The following ZPLD1 variants were observed in gnomAD, a reference collection of about 807,000 sequenced individuals.
The protein encoded by ZPLD1 is zona pellucida like domain containing 1, also known as zona pellucida-like domain-containing protein 1.
ZPLD1 carries 34 observed loss-of-function variants against 47.2 expected under a neutral mutation model. That is an observed-to-expected ratio of 0.72 (90% CI 0.55 to 0.96). ZPLD1 has a LOEUF of 0.96. Ranked by LOEUF, ZPLD1 falls within the 40% of genes least tolerant of loss-of-function variation. The pLI is 0.00. For missense variants in ZPLD1, 512 were observed against 505.8 expected (o/e 1.01, Z -0.12); for synonymous variants, 176 against 186.2 (o/e 0.95, Z 0.45).
At chr3:102,439,493 G>A (rs780312131) in intron 3 of ZPLD1, among the ~76,000 whole-genome samples, 29 of 152,214 alleles carry the variant, frequency 1.9e-4, no homozygotes, top group Non-Finnish European at 3.8e-4. Context: ...GAAGGTCACG[G>A]TGGGAATGAC....
chr3:102,421,940 A>G (rs1332284235), intron 8 of ZPLD1, among the ~76,000 whole-genome samples: 2 of 152,056 alleles, frequency 1.3e-5, no homozygotes, highest in Non-Finnish European at 2.9e-5. Flanking sequence ...ACATACAAAA[A>G]TAAATATAAA....
chr3:102,416,609 C>A (rs1054217890), intron 7 of ZPLD1, among the ~76,000 whole-genome samples: 23 of 151,870 alleles, frequency 1.5e-4, no homozygotes, highest in Admixed American at 3.3e-4. Flanking sequence ...AAAAGTTTAT[C>A]ATGATCACTT....
intron 6 of ZPLD1, among the ~76,000 whole-genome samples, chr3:102,385,543 T>A (rs996721506): frequency 1.3e-5 from 2 of 152,182 alleles, no homozygotes; most frequent in East Asian, 3.9e-4. Context: ...ATTACAAAGA[T>A]AAGTGAAATG....
chr3:102,475,464 A>G (rs1707745638), intron 10 of ZPLD1, among the ~76,000 whole-genome samples: 1 of 152,158 alleles, frequency 6.6e-6, no homozygotes, highest in Admixed American at 6.5e-5. Context: ...ATTAAGTGTG[A>G]TTTCTAAAAA....
chr3:102,429,286 T>G (rs1045520249), intron 8 of ZPLD1, among the ~76,000 whole-genome samples: 1 of 152,156 alleles, frequency 6.6e-6, no homozygotes, highest in South Asian at 2.1e-4. Flanking sequence ...TGATTAAAAT[T>G]TTGCATTTCT....
chr3:102,415,104 C>T (rs1373606905), intron 7 of ZPLD1, among the ~76,000 whole-genome samples: 1 of 151,804 alleles, frequency 6.6e-6, no homozygotes, highest in Non-Finnish European at 1.5e-5. Context: ...GTGGCTGAGT[C>T]TGTTCTTATA....
chr3:102,393,648 TAAA>T (rs80092157), intron 7 of ZPLD1, among the ~76,000 whole-genome samples: 9 of 145,390 alleles, frequency 6.2e-5, no homozygotes, highest in African/African-American at 2.3e-4. Context: ...CTTTGTAGAT[TAAA>T]AAAAAAAAAA....
At chr3:102,474,382 C>T (rs1055086501) in intron 10 of ZPLD1, among the ~76,000 whole-genome samples, 2 of 152,080 alleles carry the variant, frequency 1.3e-5, no homozygotes, top group African/African-American at 2.4e-5. Context: ...GTTAATAATT[C>T]ATTTGAGCAT....
At chr3:102,420,118 G>T (rs2107305543) in intron 8 of ZPLD1, among the ~76,000 whole-genome samples, 1 of 151,782 alleles carries the variant, frequency 6.6e-6, no homozygotes, top group Non-Finnish European at 1.5e-5. Flanking sequence ...ATTTCAAGTG[G>T]GAAATTATAG....
chr3:102,464,970 G>A (rs1313474461), intron 8 of ZPLD1, among the ~76,000 whole-genome samples: 1 of 152,182 alleles, frequency 6.6e-6, no homozygotes, highest in African/African-American at 2.4e-5. Flanking sequence ...CATGATGGAA[G>A]TAATATAATG....
intron 4 of ZPLD1, among the ~76,000 whole-genome samples, chr3:102,453,487 C>T (rs929163040): frequency 6.6e-6 from 1 of 152,152 alleles, no homozygotes; most frequent in African/African-American, 2.4e-5. Context: ...AATATTTGTT[C>T]CAGTGAGTCT....
chr3:102,411,240 G>A (rs549163519), intron 7 of ZPLD1, among the ~76,000 whole-genome samples: 137 of 151,884 alleles, frequency 9.0e-4, no homozygotes, highest in African/African-American at 3.0e-3. Flanking sequence ...CTGAAAGTAT[G>A]TAAAACTGTA....
chr3:102,398,536 T>C (rs1475762647), intron 7 of ZPLD1, among the ~76,000 whole-genome samples: 1 of 152,078 alleles, frequency 6.6e-6, no homozygotes, highest in Admixed American at 6.6e-5. Flanking sequence ...ATATACTACC[T>C]CCAGAGACAT....
chr3:102,439,285 C>T (rs535148432), intron 3 of ZPLD1, among the ~76,000 whole-genome samples: 36 of 152,294 alleles, frequency 2.4e-4, no homozygotes, highest in Non-Finnish European at 4.0e-4. Flanking sequence ...TCTCTTTGGC[C>T]GTGGTTTACA....
intron 9 of ZPLD1, 142 bp from the exon 10 acceptor site, chr3:102,470,252 A>G: frequency 3.0e-6 from 2 of 655,846 alleles, no homozygotes; most frequent in Non-Finnish European, 5.3e-6. Flanking sequence ...GTTACATGCA[A>G]AGTAATTAAA....
At chr3:102,427,909 A>G (rs560304513) in intron 8 of ZPLD1, among the ~76,000 whole-genome samples, 1 of 152,296 alleles carries the variant, frequency 6.6e-6, no homozygotes, top group East Asian at 1.9e-4. Flanking sequence ...CACTACCCCT[A>G]GATCATAAAG....
chr3:102,426,174 G>A (rs1044058709), intron 8 of ZPLD1, among the ~76,000 whole-genome samples: 1 of 147,526 alleles, frequency 6.8e-6, no homozygotes, highest in African/African-American at 2.5e-5. Context: ...ACACACACAC[G>A]AACATTTTTT....
At chr3:102,395,768 A>G (rs748860753) in intron 7 of ZPLD1, among the ~76,000 whole-genome samples, 3 of 152,192 alleles carry the variant, frequency 2.0e-5, no homozygotes, top group Non-Finnish European at 4.4e-5. Context: ...AACTAATTTC[A>G]TAAGACTTGG....
chr3:102,414,028 T>C (rs577522564), intron 7 of ZPLD1, among the ~76,000 whole-genome samples: 1 of 151,872 alleles, frequency 6.6e-6, no homozygotes, highest in Non-Finnish European at 1.5e-5. Context: ...AGGCGAGCTG[T>C]GTGCTTTCCA....
Sources: allele counts gnomAD v4.1 joint callset (sites outside exome capture counted in the v4.1 genomes callset), GRCh38; gene constraint gnomAD v4.1.1; transcripts MANE v1.5; gene names NCBI Gene and HGNC (gene_info 2026-07-23, HGNC 2026-07-21).